The following MUC12 variants were observed in gnomAD, a reference collection of about 807,000 sequenced individuals.
MUC12 encodes the protein mucin 12, cell surface associated, also known as mucin-12.
MUC12 carries 172 observed loss-of-function variants against 230.8 expected under a neutral mutation model. The ratio of observed to expected loss-of-function variants is 0.75; its 90% CI spans 0.66 to 0.85. The LOEUF is 0.85. Among genes scored for constraint, MUC12 ranks in the 40% least tolerant of loss-of-function variants. MUC12 has a pLI of 0.00. For missense variants in MUC12, 3,506 were observed against 5,920.6 expected (o/e 0.59, Z 13.38); for synonymous variants, 1,259 against 2,401.9 (o/e 0.52, Z 13.91).
In MUC12 at chr7:100,991,764, C is replaced by A. The variant is rs1342594408; in HGVS notation, c.1201C>A (p.Pro401Thr). The change falls in exon 2 of 12, where the codon CCT becomes ACT. Residue 401 changes from proline (P) to threonine (T), a missense_variant. Transcript: ENST00000536621. ...GSTTHTKSST[P>T]STTAALAHTS... ...CACAACACACACAAAATCTTCAACT[C>A]CTAGCACCACAGCTGCCCTAGCACA... 13 of 1,537,844 alleles carry A rather than the reference C, an allele frequency of 8.5e-6. No individual in the cohort carries two copies. In the African/African-American group the frequency reaches 1.6e-4, roughly 19 times the overall value.
intron 5 of MUC12, among the ~76,000 whole-genome samples, chr7:101,010,639 C>T (rs983449045): frequency 1.3e-5 from 2 of 152,094 alleles, no homozygotes; most frequent in Non-Finnish European, 2.9e-5. Flanking sequence ...CTTAGCTTCC[C>T]GAGTAGCTGG....
At chr7:101,008,835 T>C in intron 4 of MUC12, 74 bp downstream of exon 4, 1 of 1,480,878 alleles carries the variant, frequency 6.8e-7, no homozygotes, top group Non-Finnish European at 9.0e-7. Flanking sequence ...GCACCCCAAC[T>C]TAGTGATCTG....
chr7:101,011,193 A>G (rs1793836179), intron 5 of MUC12, among the ~76,000 whole-genome samples: 1 of 152,176 alleles, frequency 6.6e-6, no homozygotes, highest in Non-Finnish European at 1.5e-5. Flanking sequence ...GTGTCCTTGC[A>G]GCAGGGAAGA....
At position 101,004,810 on chromosome 7, in the gene MUC12, C is replaced by T. The variant is rs534927943; in HGVS notation, c.14247C>T (p.Asp4749=). Residue 4749 remains aspartate, a synonymous_variant, in exon 2 of 12, where the codon GAC becomes GAT. Transcript: ENST00000536621. ...TTTACAGTAGCTCCAGATCACCAGA[C>T]CAAACACTCTCACCTGCCAGCATGA... ...TILYSSSRSP[D]QTLSPASMTS... 6.5e-6 allele frequency: 10 copies of T among 1,537,538 alleles called. No individual in the cohort carries two copies. In the Admixed American group the frequency reaches 2.0e-4, roughly 30 times the overall value.
intron 1 of MUC12, chr7:100,981,498 G>A (rs1430791524): frequency 6.1e-6 from 3 of 490,334 alleles, no homozygotes; most frequent in Admixed American, 3.9e-5. Flanking sequence ...GAGAGAAGGA[G>A]CGTCAGGAGG....
chr7:100,979,309 C>T (rs1793071598), intron 1 of MUC12, among the ~76,000 whole-genome samples: 1 of 151,984 alleles, frequency 6.6e-6, no homozygotes, highest in African/African-American at 2.4e-5. Flanking sequence ...GCAATGTAGG[C>T]AAATAGGCAA....
At chr7:100,976,790 C>T (rs1793038912) in intron 1 of MUC12, among the ~76,000 whole-genome samples, 1 of 151,842 alleles carries the variant, frequency 6.6e-6, no homozygotes, top group South Asian at 2.1e-4. Flanking sequence ...GTGTCTCACG[C>T]CTGTAATCCC....
intron 10 of MUC12, 189 bp from the exon 11 acceptor site, chr7:101,017,386 G>C (rs1793947881): frequency 1.8e-6 from 1 of 555,600 alleles, no homozygotes. Flanking sequence ...GGTCCAGCGG[G>C]CGGCTCCCCA....
At chr7:100,983,086 T>C (rs1793134131) in intron 1 of MUC12, among the ~76,000 whole-genome samples, 1 of 151,950 alleles carries the variant, frequency 6.6e-6, no homozygotes, top group Non-Finnish European at 1.5e-5. Context: ...CTGAGTGACC[T>C]TGGAAATTAT....
chr7:100,992,736 A>G lies in MUC12; in HGVS notation c.2173A>G (p.Ile725Val), dbSNP rs1793359249. The change falls in exon 2 of 12, where the codon ATA becomes GTA. Residue 725 changes from isoleucine (I) to valine (V), a missense_variant. Transcript: ENST00000536621. ...TTCCCACAGCAGCACAACACACACA[A>G]TATCTTCAGCTCCTAGCACCACATC... Reference protein sequence around the residue: ...TTSHSSTTHTISSAPSTTSAL... With the variant: ...TTSHSSTTHTVSSAPSTTSAL... 2 of 1,535,400 alleles carry G rather than the reference A, an allele frequency of 1.3e-6. No individual in the cohort carries two copies. The highest frequency in any genetic ancestry group is 2.8e-5 in the African/African-American group (2 of 72,112).
chr7:101,017,617 A>G lies in MUC12; in HGVS notation c.15920A>G (p.Tyr5307Cys), dbSNP rs1793952564. 1.3e-6 allele frequency: 2 copies of G among 1,535,806 alleles called. No individual in the cohort carries two copies. The highest frequency in any genetic ancestry group is 1.7e-6 in the Non-Finnish European group (2 of 1,146,144). Residue 5307 changes from tyrosine to cysteine, a missense_variant, in exon 11 of 12, where the codon TAC (tyrosine) becomes TGC (cysteine). By Grantham distance (194) the Tyr-to-Cys change is radical. Transcript: ENST00000536621. The part of the protein sequence containing the change: ...RESRFGLENA[Y>C]NNFRPTLETV... ...AGCAGATTCGGCCTTGAGAACGCCT[A>G]CAACAACTTCCGGCCCACCCTGGAG...
Position 100,993,046 on chromosome 7 carries a change from G to C in MUC12, c.2483G>C (p.Ser828Thr), listed in dbSNP as rs199830571. The change falls in exon 2 of 12, where the codon AGT (serine) becomes ACT (threonine). Residue 828 changes from serine to threonine, a missense_variant. Ser to Thr is a moderately conservative substitution (Grantham distance 58). Coordinates refer to ENST00000536621, the MANE Select transcript of MUC12 (RefSeq NM_001164462.2). ...GLSERSTTFHSSPRSPATTLS... is the reference protein window; with the variant it reads ...GLSERSTTFHTSPRSPATTLS... ...AGTGAGAGATCTACCACTTTCCATA[G>C]TAGCCCCAGATCACCAGCCACAACA... 5.7e-5 allele frequency: 88 copies of C among 1,535,990 alleles called. No homozygotes were observed. Among genetic ancestry groups the C allele is most frequent in the Non-Finnish European group, 7.1e-5 (82 of 1,146,950 alleles).
At chr7:100,972,606 G>A (rs1792930904) in intron 1 of MUC12, among the ~76,000 whole-genome samples, 1 of 151,188 alleles carries the variant, frequency 6.6e-6, no homozygotes, top group South Asian at 2.1e-4. Context: ...GGGTTCAAGA[G>A]ATTCTCCTGC....
chr7:100,979,273 G>C (rs2116272584), intron 1 of MUC12, among the ~76,000 whole-genome samples: 1 of 152,140 alleles, frequency 6.6e-6, no homozygotes, highest in East Asian at 1.9e-4. Flanking sequence ...AGGAGAGGGA[G>C]CTGGCATCTT....
Position 101,012,937 on chromosome 7 carries a change from G to C in MUC12, c.15476-43G>C, listed in dbSNP as rs774076925. On this transcript the variant is annotated intron_variant, in intron 7 of 11. Coordinates refer to ENST00000536621, the MANE Select transcript of MUC12 (RefSeq NM_001164462.2). Reference sequence around the variant, plus strand: ...GGGCACTAAGAGTGGGGGCTGGGATGCTTTGGCCAGGCTCATGCATGCTGC... The same window carrying C: ...GGGCACTAAGAGTGGGGGCTGGGATCCTTTGGCCAGGCTCATGCATGCTGC... 4.6e-6 allele frequency: 7 copies of C among 1,537,286 alleles called. No individual in the cohort carries two copies. The Middle Eastern group carries it at 5.0e-4, about 110-fold the overall frequency.
At position 101,004,929 on chromosome 7, in the gene MUC12, G is replaced by T; in HGVS notation, c.14366G>T (p.Gly4789Val). The change falls in exon 2 of 12, where the codon GGC becomes GTC. Residue 4789 changes from glycine (G) to valine (V), a missense_variant. Gly to Val is a moderately radical substitution (Grantham distance 109). Transcript: ENST00000536621. The part of the protein sequence containing the change: ...TAFPASTTTS[G>V]LSQESTTFHS... ...TTCCCTGCCAGCACCACCACCTCAGGCCTCAGTCAGGAATCAACAACTTTC... is the reference window on the plus strand; with the variant it reads ...TTCCCTGCCAGCACCACCACCTCAGTCCTCAGTCAGGAATCAACAACTTTC... The T allele has an allele frequency of 6.5e-7, 1 of 1,537,836 alleles. No homozygotes were observed. The highest frequency in any genetic ancestry group is 8.7e-7 in the Non-Finnish European group (1 of 1,147,058).
intron 1 of MUC12, among the ~76,000 whole-genome samples, chr7:100,987,986 A>G (rs375756695): frequency 2.0e-5 from 3 of 148,532 alleles, no homozygotes; most frequent in African/African-American, 7.4e-5. Flanking sequence ...AAAAAAAAGA[A>G]AAGAAAAGAA....
Position 100,995,507 on chromosome 7 carries a change from T to C in MUC12, c.4944T>C (p.Pro1648=). ...SPGSTETTLL[P]DNTTASGLLE... ...GCTCCACTGAAACAACACTCTTACC[T>C]GACAACACCACAGCCTCAGGCCTCC... The change falls in exon 2 of 12, where the codon CCT becomes CCC. Residue 1648 remains proline, a synonymous_variant. Coordinates refer to ENST00000536621, the MANE Select transcript of MUC12 (RefSeq NM_001164462.2). 6.5e-7 allele frequency: 1 copy of C among 1,535,704 alleles called. No homozygotes were observed. Among genetic ancestry groups the C allele is most frequent in the Non-Finnish European group, 8.7e-7 (1 of 1,146,802 alleles).
chr7:101,010,123 C>T (rs986608781), intron 5 of MUC12, among the ~76,000 whole-genome samples: 4 of 151,760 alleles, frequency 2.6e-5, no homozygotes, highest in Non-Finnish European at 4.4e-5. Context: ...GGATTTGCTG[C>T]AGGAGAGGAG....
Sources: gnomAD v4.1 joint callset for allele counts (sites outside exome capture counted in the v4.1 genomes callset) on GRCh38, gnomAD v4.1.1 for gene constraint, MANE v1.5 for transcripts, NCBI Gene and HGNC (gene_info 2026-07-23, HGNC 2026-07-21) for gene names.